Variants in CREB1 observed in about 807,000 individuals in gnomAD.
CREB1 encodes cyclic AMP-responsive element-binding protein 1.
In CREB1, 2 loss-of-function variants were observed where a neutral mutation model predicts 42.0. The ratio of observed to expected loss-of-function variants is 0.05; its 90% CI spans 0.02 to 0.15. The LOEUF (loss-of-function observed/expected upper bound fraction) is 0.15. Ranked by LOEUF, CREB1 falls within the 10% of genes least tolerant of loss-of-function variation. The pLI is 1.00. For missense variants in CREB1, 199 were observed against 388.9 expected, an observed-to-expected ratio of 0.51 and a Z score of 4.11; for synonymous variants, 123 against 139.9, an observed-to-expected ratio of 0.88 and a Z score of 0.85.
chr2:207,592,421 T>A (rs2085225167), intron 7 of CREB1, among the ~76,000 whole-genome samples: 2 of 150,430 alleles, frequency 1.3e-5, no homozygotes, highest in African/African-American at 2.4e-5. Context: ...TAAAAAAAGA[T>A]GTCACTTTTT....
intron 6 of CREB1, 117 bp from the exon 7 acceptor site, chr2:207,577,388 C>A: frequency 7.4e-7 from 1 of 1,343,018 alleles, no homozygotes; most frequent in Non-Finnish European, 1.0e-6. Context: ...CCAGAATCAT[C>A]TTTTCTTTTT....
At position 207,600,769 on chromosome 2, in the gene CREB1, A is replaced by T. The variant is rs1268689578; in HGVS notation, c.*3711A>T. The T allele has an allele frequency of 4.8e-6, 1 of 209,932 alleles. No individual in the cohort carries two copies. Among genetic ancestry groups the T allele is most frequent in the Admixed American group, 5.9e-5 (1 of 16,956 alleles). The allele number at this position is 209,932 out of a possible 1,614,324, so 13.0% of individuals were successfully genotyped here. A position where few individuals can be genotyped will look rare whatever the true frequency, so the allele number is the denominator to read the frequency against. The stretch of plus-strand genomic sequence containing the variant: ...ATCAGATGTCATCTGGCTGAAGTTT[A>T]TCTCTGTCTCTCAGGATAAATCCCT... On this transcript the variant is annotated 3_prime_UTR_variant, in exon 8 of 8. Coordinates refer to ENST00000353267, the MANE Select transcript of CREB1 (RefSeq NM_004379.5).
At chr2:207,537,092 G>A (rs984688749) in intron 1 of CREB1, among the ~76,000 whole-genome samples, 1 of 152,200 alleles carries the variant, frequency 6.6e-6, no homozygotes, top group East Asian at 1.9e-4. Context: ...GTCTTTCTCT[G>A]TTGCCAGGCT....
At chr2:207,541,578 A>T (rs1418034239) in intron 1 of CREB1, among the ~76,000 whole-genome samples, 1 of 152,172 alleles carries the variant, frequency 6.6e-6, no homozygotes, top group East Asian at 1.9e-4. Context: ...TTTCTAACCT[A>T]ATTAACTAAT....
At chr2:207,549,228 A>G (rs909453452) in intron 1 of CREB1, among the ~76,000 whole-genome samples, 2 of 152,244 alleles carry the variant, frequency 1.3e-5, no homozygotes, top group African/African-American at 4.8e-5. Context: ...ATGTATATGC[A>G]TATGACATTT....
At chr2:207,557,758 G>T (rs963368307) in intron 2 of CREB1, among the ~76,000 whole-genome samples, 1 of 152,100 alleles carries the variant, frequency 6.6e-6, no homozygotes, top group Non-Finnish European at 1.5e-5. Context: ...TGGGTGATAG[G>T]AATATAAAGG....
intron 1 of CREB1, among the ~76,000 whole-genome samples, chr2:207,533,677 A>G (rs1159311736): frequency 6.6e-6 from 1 of 152,186 alleles, no homozygotes; most frequent in Non-Finnish European, 1.5e-5. Flanking sequence ...TAAGAATGTA[A>G]TGAGATGTCA....
chr2:207,603,431 CTGTA>C lies in CREB1; in HGVS notation c.*6374_*6377del. 4.4e-6 allele frequency: 1 copy of C among 224,792 alleles called. No homozygotes were observed. The highest frequency in any genetic ancestry group is 6.5e-5 in the East Asian group (1 of 15,484). The allele number at this position is 224,792 out of a possible 1,614,324, so 13.9% of individuals were successfully genotyped here. ...TCACATAAACATGCTTTTAAAAACT[CTGTA>C]AGTCTCTTTTTTGGGGATGGGATCT... On this transcript the variant is annotated 3_prime_UTR_variant, in exon 8 of 8. Transcript: ENST00000353267.
chr2:207,586,174 A>G (rs1282141092), intron 7 of CREB1, among the ~76,000 whole-genome samples: 1 of 152,206 alleles, frequency 6.6e-6, no homozygotes, highest in Non-Finnish European at 1.5e-5. Flanking sequence ...AAGGCATCAC[A>G]CTACCTGACT....
At chr2:207,546,069 C>G (rs939470045) in intron 1 of CREB1, among the ~76,000 whole-genome samples, 2 of 152,156 alleles carry the variant, frequency 1.3e-5, no homozygotes, top group Admixed American at 6.5e-5. Context: ...AAATTAGATT[C>G]ATTGTCCAAA....
chr2:207,572,475 T>C (rs1475959497), intron 5 of CREB1, among the ~76,000 whole-genome samples: 1 of 152,168 alleles, frequency 6.6e-6, no homozygotes, highest in East Asian at 1.9e-4. Flanking sequence ...CACACATAGT[T>C]ATATATTTTG....
In CREB1 at chr2:207,573,251, T is replaced by A. The variant is rs187790658; in HGVS notation, c.506-2021T>A. Among the ~76,000 whole-genome samples the A allele has an allele frequency of 1.7e-3, 257 of 152,386 alleles. 1 individual carries two copies. Among genetic ancestry groups the A allele is most frequent in the African/African-American group, 6.0e-3 (250 of 41,596 alleles). On this transcript the variant is annotated intron_variant, in intron 5 of 7. Transcript: ENST00000353267. ...ATGAATTGTGTTTTATTGAAAGCTA[T>A]CTCAAATCTTTTTGGAATAATAAAG...
chr2:207,595,984 A>G (rs1448806524), intron 7 of CREB1, among the ~76,000 whole-genome samples: 1 of 152,130 alleles, frequency 6.6e-6, no homozygotes, highest in African/African-American at 2.4e-5. Context: ...TTAGTTGGAT[A>G]TAGTCCTATT....
In CREB1 at chr2:207,533,429, C is replaced by T. The variant is rs911482460; in HGVS notation, c.-9+3295C>T. Reference sequence around the variant, plus strand: ...GTATGGTTATGGGGTTATAGTAAAACCAAGTATGTCTTCCTCACGTGTTTT... The same window carrying T: ...GTATGGTTATGGGGTTATAGTAAAATCAAGTATGTCTTCCTCACGTGTTTT... On this transcript the variant is annotated intron_variant, in intron 1 of 7. Transcript: ENST00000353267. Among the ~76,000 whole-genome samples, 6 of 152,148 alleles carry T rather than the reference C, an allele frequency of 3.9e-5. No individual in the cohort carries two copies. The East Asian group carries it at 1.2e-3, about 29-fold the overall frequency.
At position 207,540,118 on chromosome 2, in the gene CREB1, A is replaced by G. The variant is rs369606448; in HGVS notation, c.-9+9984A>G. ...TGGTGAATGACAGATTGCATATACAACAGTGGTCCTGTGCTAGTGTAAGCA... is the reference window on the plus strand; with the variant it reads ...TGGTGAATGACAGATTGCATATACAGCAGTGGTCCTGTGCTAGTGTAAGCA... On this transcript the variant is annotated intron_variant, in intron 1 of 7. Transcript: ENST00000353267. 7.6e-4 allele frequency among the ~76,000 whole-genome samples: 115 copies of G among 152,302 alleles called. 4 individuals are homozygous for G. In the South Asian group the frequency reaches 0.018, roughly 24 times the overall value.
rs539126871 is a variant in CREB1 at position 207,537,594 on chromosome 2, GC to G, written c.-9+7462del. ...ATGCTAGTTTAGTCATTATAGAAGA[GC>G]CAGATGCTGGTCAGCTTGTTGAAGT... On this transcript the variant is annotated intron_variant, in intron 1 of 7. Transcript: ENST00000353267. 5.7e-3 allele frequency among the ~76,000 whole-genome samples: 865 copies of G among 152,300 alleles called. 4 individuals carry two copies. The highest frequency in any genetic ancestry group is 0.024 in the Middle Eastern group (7 of 294).
Position 207,599,290 on chromosome 2 carries a change from A to G in CREB1, c.*2232A>G, listed in dbSNP as rs1402708836. The G allele has an allele frequency of 1.5e-5, 3 of 206,862 alleles. No individual in the cohort carries two copies. The highest frequency in any genetic ancestry group is 2.3e-5 in the African/African-American group (1 of 43,906). The allele number at this position is 206,862 out of a possible 1,614,324, so 12.8% of individuals were successfully genotyped here. A position where few individuals can be genotyped will look rare whatever the true frequency, so the allele number is the denominator to read the frequency against. ...AAAACTGGTTTAACAGAAATCAAGC[A>G]AAGTCACAAATATGTTCACAAGTTG... On this transcript the variant is annotated 3_prime_UTR_variant, in exon 8 of 8. Transcript: ENST00000353267.
At chr2:207,596,092 T>C (rs2086106475) in intron 7 of CREB1, among the ~76,000 whole-genome samples, 1 of 152,234 alleles carries the variant, frequency 6.6e-6, no homozygotes, top group Admixed American at 6.5e-5. Flanking sequence ...AGAAGTTTTA[T>C]AGTTTTAGGT....
chr2:207,549,741 T>C (rs947453322), intron 1 of CREB1, among the ~76,000 whole-genome samples: 3 of 151,924 alleles, frequency 2.0e-5, no homozygotes, highest in Non-Finnish European at 4.4e-5. Flanking sequence ...CCCAACACTT[T>C]GGGAGCCGAG....
Sources: gnomAD v4.1 joint callset for allele counts (sites outside exome capture counted in the v4.1 genomes callset) on GRCh38, gnomAD v4.1.1 for gene constraint, MANE v1.5 for transcripts, NCBI Gene and HGNC (gene_info 2026-07-23, HGNC 2026-07-21) for gene names.